Variants in CIMAP2 observed in about 807,000 individuals in gnomAD.
CIMAP2 encodes ciliary microtubule-associated protein 2.
At chr1:54,811,768 T>TGGGGGGGGGCCCCCCCCCCC in the CIMAP2 span, 2 of 533,352 alleles carry the variant, frequency 3.7e-6, no homozygotes, top group Non-Finnish European at 7.4e-6. Flanking sequence ...TCTGACAGCC[T>TGGGGGGGGGCCCCCCCCCCC]CCATGCCCCC....
chr1:54,841,812 CACCA>C, the CIMAP2 span: 1 of 1,569,338 alleles, frequency 6.4e-7, no homozygotes. Flanking sequence ...GAAAGGATCA[CACCA>C]TTTACTAAGG....
chr1:54,809,162 C>T, the CIMAP2 span, among the ~76,000 whole-genome samples: 1 of 152,162 alleles, frequency 6.6e-6, no homozygotes, highest in Non-Finnish European at 1.5e-5. Flanking sequence ...TCTTTGCAAT[C>T]ACTCCAGATG....
chr1:54,829,150 T>C, the CIMAP2 span, among the ~76,000 whole-genome samples: 1 of 152,208 alleles, frequency 6.6e-6, no homozygotes. Flanking sequence ...AAAATAAGCA[T>C]ATATTGTTTT....
chr1:54,806,096 C>G, the CIMAP2 span: 2 of 1,504,864 alleles, frequency 1.3e-6, no homozygotes, highest in South Asian at 1.2e-5. Flanking sequence ...GCAGCGGAGG[C>G]GGGCAGCGCG....
the CIMAP2 span, among the ~76,000 whole-genome samples, chr1:54,809,795 T>C: frequency 2.0e-5 from 3 of 152,034 alleles, no homozygotes; most frequent in South Asian, 2.1e-4. Context: ...GTTTCCTTCC[T>C]GCCTTTGCTC....
chr1:54,808,989 T>C, the CIMAP2 span, among the ~76,000 whole-genome samples: 3 of 8,112 alleles, frequency 3.7e-4, no homozygotes, highest in Non-Finnish European at 4.5e-4. Context: ...TTCTTGTGTG[T>C]GACTGGACAG....
At chr1:54,817,086 G>A in the CIMAP2 span, 3 of 1,614,180 alleles carry the variant, frequency 1.9e-6, no homozygotes, top group Middle Eastern at 1.6e-4. Flanking sequence ...GGATCCAAAC[G>A]CTACCTCTCA....
At chr1:54,842,235 T>A in the CIMAP2 span, 1 of 305,936 alleles carries the variant, frequency 3.3e-6, no homozygotes, top group South Asian at 5.4e-5. Flanking sequence ...TCCTTGTTTA[T>A]TAAAGTTCAG....
At chr1:54,810,373 C>T in the CIMAP2 span, among the ~76,000 whole-genome samples, 1 of 152,166 alleles carries the variant, frequency 6.6e-6, no homozygotes, top group South Asian at 2.1e-4. Context: ...CTTGGTCTCC[C>T]CCAGTCACTG....
the CIMAP2 span, among the ~76,000 whole-genome samples, chr1:54,837,533 G>C: frequency 1.5e-3 from 224 of 152,264 alleles, 2 homozygotes; most frequent in African/African-American, 4.9e-3. Context: ...CTGCACAGCA[G>C]GGTACTGCTG....
the CIMAP2 span, chr1:54,811,779 A>ACCCCCCCCCCCCCCCACCCCCC: frequency 3.5e-6 from 1 of 286,566 alleles, no homozygotes. Context: ...CCATGCCCCC[A>ACCCCCCCCCCCCCCCACCCCCC]CCCCCGCCCC....
the CIMAP2 span, among the ~76,000 whole-genome samples, chr1:54,831,823 C>T: frequency 1.3e-5 from 2 of 152,158 alleles, no homozygotes. Context: ...TCATGGTAAA[C>T]AATAAAAAAA....
the CIMAP2 span, among the ~76,000 whole-genome samples, chr1:54,821,816 T>C: frequency 6.6e-6 from 1 of 151,196 alleles, no homozygotes; most frequent in Admixed American, 6.6e-5. Context: ...TTTATCTATA[T>C]AAGATCATGT....
At chr1:54,835,451 A>C in the CIMAP2 span, among the ~76,000 whole-genome samples, 1 of 152,120 alleles carries the variant, frequency 6.6e-6, no homozygotes, top group Non-Finnish European at 1.5e-5. Context: ...GGCCTCCCAA[A>C]GTCCTGGGAT....
chr1:54,810,510 G>C, the CIMAP2 span, among the ~76,000 whole-genome samples: 1 of 152,116 alleles, frequency 6.6e-6, no homozygotes, highest in Non-Finnish European at 1.5e-5. Context: ...CATTCCTCTG[G>C]GAGCGAACAA....
At chr1:54,813,821 A>G in the CIMAP2 span, 2 of 1,587,414 alleles carry the variant, frequency 1.3e-6, no homozygotes, top group South Asian at 2.3e-5. Flanking sequence ...TAGAAAAAAA[A>G]GCCCAGGGAA....
the CIMAP2 span, among the ~76,000 whole-genome samples, chr1:54,824,624 C>T: frequency 6.6e-6 from 1 of 151,784 alleles, no homozygotes; most frequent in Non-Finnish European, 1.5e-5. Context: ...TGCCTGTCTT[C>T]AAGTTCATAA....
chr1:54,819,824 C>CTTTCTTTCTT, the CIMAP2 span, among the ~76,000 whole-genome samples: 39 of 100,268 alleles, frequency 3.9e-4, no homozygotes, highest in East Asian at 3.2e-3. Flanking sequence ...TTCTTTCTTT[C>CTTTCTTTCTT]TCTTTCTTTC....
chr1:54,822,908 A>G, the CIMAP2 span, among the ~76,000 whole-genome samples: 1 of 152,084 alleles, frequency 6.6e-6, no homozygotes, highest in African/African-American at 2.4e-5. Context: ...ATTGATTTCT[A>G]GTTTTATTTT....
Sources: gnomAD v4.1 joint callset for allele counts (sites outside exome capture counted in the v4.1 genomes callset) on GRCh38, gnomAD v4.1.1 for gene constraint, MANE v1.5 for transcripts, NCBI Gene and HGNC (gene_info 2026-07-23, HGNC 2026-07-21) for gene names.